The following COX5A variants were observed in gnomAD, a reference collection of about 807,000 sequenced individuals.
COX5A encodes cytochrome c oxidase subunit 5A.
Under a neutral mutation model 16.1 loss-of-function variants are expected in COX5A, and 6 were observed. The ratio of observed to expected loss-of-function variants is 0.37; its 90% CI spans 0.20 to 0.73. The LOEUF is 0.73. Ranked by LOEUF, COX5A falls within the 30% of genes least tolerant of loss-of-function variation. The pLI is 0.50. For synonymous variants in COX5A, 73 were observed against 73.8 expected (o/e 0.99, Z 0.06); for missense variants, 159 against 194.9 (o/e 0.82, Z 1.10).
intron 1 of COX5A, among the ~76,000 whole-genome samples, chr15:74,930,757 C>T (rs1484876498): frequency 6.7e-6 from 1 of 149,824 alleles, no homozygotes; most frequent in African/African-American, 2.4e-5. Flanking sequence ...GTGGCTCACG[C>T]CTGTAATCCC....
chr15:74,921,978 A>G (rs1294259612), intron 4 of COX5A, among the ~76,000 whole-genome samples: 1 of 152,108 alleles, frequency 6.6e-6, no homozygotes, highest in African/African-American at 2.4e-5. Flanking sequence ...ACTTGAGCCC[A>G]GGAGTTCAAG....
At chr15:74,930,416 CAAAA>C (rs71140116) in intron 1 of COX5A, among the ~76,000 whole-genome samples, 5 of 110,036 alleles carry the variant, frequency 4.5e-5, no homozygotes, top group Non-Finnish European at 5.5e-5. Flanking sequence ...GACTCCGCCT[CAAAA>C]AAAAAAAAAA....
chr15:74,931,253 C>T (rs1407369108), intron 1 of COX5A, among the ~76,000 whole-genome samples: 2 of 152,020 alleles, frequency 1.3e-5, no homozygotes, highest in Admixed American at 1.3e-4. Context: ...GTAATGCCAG[C>T]ACTTTGGGAG....
At chr15:74,932,498 A>G (rs967095826) in intron 1 of COX5A, among the ~76,000 whole-genome samples, 1 of 151,976 alleles carries the variant, frequency 6.6e-6, no homozygotes, top group Non-Finnish European at 1.5e-5. Context: ...AAACCTCTCA[A>G]CATTGTTGTT....
chr15:74,934,946 G>A (rs2065382476), intron 1 of COX5A, among the ~76,000 whole-genome samples: 1 of 152,092 alleles, frequency 6.6e-6, no homozygotes, highest in Non-Finnish European at 1.5e-5. Flanking sequence ...ACTGCTTTTT[G>A]GCATTCAGTT....
intron 4 of COX5A, 113 bp downstream of exon 4, chr15:74,923,535 G>A (rs1338265774): frequency 1.1e-5 from 6 of 536,058 alleles, no homozygotes; most frequent in African/African-American, 3.9e-5. Flanking sequence ...TCATGCTCAC[G>A]GCCATTACCT....
chr15:74,936,243 G>A (rs1161528423), intron 1 of COX5A, among the ~76,000 whole-genome samples: 1 of 151,820 alleles, frequency 6.6e-6, no homozygotes. Flanking sequence ...TCCAGCCTGG[G>A]CAACAAGAAC....
rs1324305205 is a variant in COX5A at position 74,937,955 on chromosome 15, T to C, written c.60A>G (p.Arg20=). ...GGGTCCGGGCGGAGTGCAGGAGGCCTCGAGGGTCGGCCCGGGTGGTTGCGG... is the reference window on the plus strand; with the variant it reads ...GGGTCCGGGCGGAGTGCAGGAGGCCCCGAGGGTCGGCCCGGGTGGTTGCGG... ...AVAATTRADP[R]GLLHSARTPG... Residue 20 remains arginine, a synonymous_variant, in exon 1 of 5, where the codon CGA becomes CGG. Coordinates refer to ENST00000322347, the MANE Select transcript of COX5A (RefSeq NM_004255.4). 2 of 1,232,814 alleles carry C rather than the reference T, an allele frequency of 1.6e-6. No homozygotes were observed. Among genetic ancestry groups the C allele is most frequent in the Non-Finnish European group, 2.0e-6 (2 of 987,992 alleles). 76.4% of individuals were successfully genotyped at this position (1,232,814 alleles called of 1,614,324 possible). A position where few individuals can be genotyped will look rare whatever the true frequency, so the allele number is the denominator to read the frequency against.
Position 74,937,941 on chromosome 15 carries a change from G to A in COX5A, c.74C>T (p.Ser25Phe). 8.1e-7 allele frequency: 1 copy of A among 1,232,316 alleles called. No individual in the cohort carries two copies. Among genetic ancestry groups the A allele is most frequent in the Non-Finnish European group, 1.0e-6 (1 of 987,194 alleles). 76.3% of individuals were successfully genotyped at this position (1,232,316 alleles called of 1,614,324 possible). A position where few individuals can be genotyped will look rare whatever the true frequency, so the allele number is the denominator to read the frequency against. Reference protein sequence around the residue: ...TRADPRGLLHSARTPGPAVAI... With the variant: ...TRADPRGLLHFARTPGPAVAI... Reference sequence around the variant, plus strand: ...CACGGCGGGGCCGGGGGTCCGGGCGGAGTGCAGGAGGCCTCGAGGGTCGGC... The same window carrying A: ...CACGGCGGGGCCGGGGGTCCGGGCGAAGTGCAGGAGGCCTCGAGGGTCGGC... The change falls in exon 1 of 5, where the codon TCC (serine) becomes TTC (phenylalanine). Residue 25 changes from serine to phenylalanine, a missense_variant. Ser to Phe is a radical substitution (Grantham distance 155, BLOSUM62 -2). Coordinates refer to ENST00000322347, the MANE Select transcript of COX5A (RefSeq NM_004255.4).
chr15:74,932,205 G>A (rs2065370518), intron 1 of COX5A, among the ~76,000 whole-genome samples: 2 of 152,174 alleles, frequency 1.3e-5, no homozygotes, highest in South Asian at 2.1e-4. Context: ...CGTCTTAGTT[G>A]TCTATTTATA....
chr15:74,924,978 C>T (rs943728615), intron 3 of COX5A, among the ~76,000 whole-genome samples: 1 of 152,164 alleles, frequency 6.6e-6, no homozygotes, highest in African/African-American at 2.4e-5. Context: ...TATATAGTTA[C>T]ACCTGTGCTG....
intron 4 of COX5A, among the ~76,000 whole-genome samples, chr15:74,921,108 A>G (rs1595860017): frequency 6.6e-6 from 1 of 152,228 alleles, no homozygotes; most frequent in African/African-American, 2.4e-5. Flanking sequence ...GGAGTTCATT[A>G]TAGAATATGA....
chr15:74,937,209 G>A (rs984587195), intron 1 of COX5A, among the ~76,000 whole-genome samples: 7 of 152,120 alleles, frequency 4.6e-5, no homozygotes, highest in African/African-American at 1.7e-4. Flanking sequence ...CTATTACAAA[G>A]GGGAAAAAAC....
Position 74,926,835 on chromosome 15 carries a change from A to G in COX5A, c.270T>C (p.Asp90=), listed in dbSNP as rs773949037. Residue 90 remains aspartate (D), a synonymous_variant, in exon 3 of 5, where the codon GAT becomes GAC. Coordinates refer to ENST00000322347, the MANE Select transcript of COX5A (RefSeq NM_004255.4). ...ACCGTCTGCATGCCCGCAAAGCAGCATCAATGATTTTGGGCTCTGGAACCA... is the reference window on the plus strand; with the variant it reads ...ACCGTCTGCATGCCCGCAAAGCAGCGTCAATGATTTTGGGCTCTGGAACCA... ...YDMVPEPKII[D]AALRACRRLN... 6 of 1,614,050 alleles carry G rather than the reference A, an allele frequency of 3.7e-6. No homozygotes were observed. The Admixed American group carries it at 8.3e-5, about 22-fold the overall frequency.
At chr15:74,921,913 G>A (rs2065322928) in intron 4 of COX5A, among the ~76,000 whole-genome samples, 1 of 151,976 alleles carries the variant, frequency 6.6e-6, no homozygotes. Context: ...AAAGACCATT[G>A]CTTTTGGCTC....
At chr15:74,927,009 C>A in intron 2 of COX5A, 122 bp from the exon 3 acceptor site, 1 of 1,054,402 alleles carries the variant, frequency 9.5e-7, no homozygotes. Context: ...CATTCTCTTA[C>A]CTATAAAATG....
At chr15:74,929,261 T>G (rs756774888) in intron 1 of COX5A, 29 bp from the exon 2 acceptor site, 13 of 1,406,650 alleles carry the variant, frequency 9.2e-6, no homozygotes, top group Non-Finnish European at 1.2e-5. Flanking sequence ...ATAACTTCAA[T>G]GTACACAAAT....
chr15:74,927,362 A>T (rs2065348993), intron 2 of COX5A, among the ~76,000 whole-genome samples: 1 of 151,952 alleles, frequency 6.6e-6, no homozygotes, highest in Non-Finnish European at 1.5e-5. Flanking sequence ...TTTTTAGTAG[A>T]GACGGGGTTT....
At position 74,934,574 on chromosome 15, in the gene COX5A, G is replaced by A. The variant is rs573192545; in HGVS notation, c.100+3341C>T. Among the ~76,000 whole-genome samples, 13 of 152,090 alleles carry A rather than the reference G, an allele frequency of 8.5e-5. No homozygotes were observed. The South Asian group carries it at 1.7e-3, about 19-fold the overall frequency. On this transcript the variant is annotated intron_variant, in intron 1 of 4. Transcript: ENST00000322347. Reference sequence around the variant, plus strand: ...TCTCGATCTCCTGACATTGTGATCCGCCCGCCTCAGCCTACCAAAGTGCTG... The same window carrying A: ...TCTCGATCTCCTGACATTGTGATCCACCCGCCTCAGCCTACCAAAGTGCTG...
Sources: allele counts gnomAD v4.1 joint callset (sites outside exome capture counted in the v4.1 genomes callset), GRCh38; gene constraint gnomAD v4.1.1; transcripts MANE v1.5; gene names NCBI Gene and HGNC (gene_info 2026-07-23, HGNC 2026-07-21).